ASIC2: variants seen among roughly 807,000 people sequenced by gnomAD.
ASIC2 encodes acid sensing ion channel subunit 2.
ASIC2 carries 25 observed loss-of-function variants against 57.3 expected under a neutral mutation model. The ratio of observed to expected loss-of-function variants is 0.44; its 90% CI spans 0.32 to 0.61. The LOEUF (loss-of-function observed/expected upper bound fraction) is 0.61. Ranked by LOEUF, ASIC2 falls within the 20% of genes least tolerant of loss-of-function variation. ASIC2 has a pLI of 0.06. For missense variants in ASIC2, 641 were observed against 738.1 expected (o/e 0.87, Z 1.52); for synonymous variants, 319 against 307.5 (o/e 1.04, Z -0.39).
intron 1 of ASIC2, among the ~76,000 whole-genome samples, chr17:33,528,074 A>G (rs985135232): frequency 6.6e-6 from 1 of 151,926 alleles, no homozygotes; most frequent in Admixed American, 6.6e-5. Flanking sequence ...CAAGGTGAGA[A>G]GGTGTCAGGG....
chr17:33,030,460 T>C (rs1447041515), intron 3 of ASIC2, among the ~76,000 whole-genome samples: 2 of 152,184 alleles, frequency 1.3e-5, no homozygotes, highest in African/African-American at 2.4e-5. Context: ...GTTCATTCTC[T>C]TTTATTGCCG....
chr17:33,691,385 C>T, intron 1 of ASIC2, among the ~76,000 whole-genome samples: 1 of 151,838 alleles, frequency 6.6e-6, no homozygotes, highest in East Asian at 1.9e-4. Context: ...CTCCAATCAT[C>T]CTAGGCATCA....
chr17:33,866,354 C>T (rs1350856858), intron 1 of ASIC2, among the ~76,000 whole-genome samples: 1 of 152,076 alleles, frequency 6.6e-6, no homozygotes, highest in Non-Finnish European at 1.5e-5. Flanking sequence ...TCAAATTCAT[C>T]GTGTGCTGAA....
At chr17:33,968,324 AG>A (rs576914210) in intron 1 of ASIC2, among the ~76,000 whole-genome samples, 182 of 152,286 alleles carry the variant, frequency 1.2e-3, no homozygotes, top group African/African-American at 4.2e-3. Flanking sequence ...AGACCTGAAC[AG>A]GGGGCAGAAT....
intron 1 of ASIC2, chr17:33,984,105 T>C (rs2142005817): frequency 6.6e-6 from 1 of 152,472 alleles, no homozygotes; most frequent in East Asian, 1.9e-4. Flanking sequence ...ACAGCCTTCC[T>C]TCCCCATAAC....
chr17:34,123,697 T>C (rs1367435668), intron 1 of ASIC2, among the ~76,000 whole-genome samples: 1 of 152,210 alleles, frequency 6.6e-6, no homozygotes, highest in Admixed American at 6.5e-5. Flanking sequence ...AATGGAACAA[T>C]GGTCTCCTGC....
At chr17:33,893,236 A>T (rs1333738962) in intron 1 of ASIC2, among the ~76,000 whole-genome samples, 2 of 152,154 alleles carry the variant, frequency 1.3e-5, no homozygotes, top group Admixed American at 6.5e-5. Context: ...CCAGGATTTA[A>T]ATCCATTTGG....
At chr17:33,228,376 T>G (rs1368076686) in intron 1 of ASIC2, among the ~76,000 whole-genome samples, 1 of 152,044 alleles carries the variant, frequency 6.6e-6, no homozygotes, top group Admixed American at 6.5e-5. Flanking sequence ...TAAGAGGAGA[T>G]GCAACTTTCA....
intron 1 of ASIC2, among the ~76,000 whole-genome samples, chr17:33,760,540 T>C (rs1049449636): frequency 6.6e-6 from 1 of 151,862 alleles, no homozygotes; most frequent in African/African-American, 2.4e-5. Context: ...GTGTGTGCCA[T>C]AGATTTATAT....
rs181411327 is a variant in ASIC2 at position 33,542,195 on chromosome 17, G to A, written c.556-430128C>T. Among the ~76,000 whole-genome samples, 115 of 152,102 alleles carry A rather than the reference G, an allele frequency of 7.6e-4. 1 individual carries two copies. The highest frequency in any genetic ancestry group is 3.4e-3 in the Middle Eastern group (1 of 294). On this transcript the variant is annotated intron_variant, in intron 1 of 9. Transcript: ENST00000359872. ...AGTCTTTGCTATTGTGAATAATGCC[G>A]CAATAAACATACGTGTGCACGTGTC...
At chr17:33,817,795 A>G (rs1196107679) in intron 1 of ASIC2, among the ~76,000 whole-genome samples, 2 of 152,116 alleles carry the variant, frequency 1.3e-5, no homozygotes, top group Non-Finnish European at 2.9e-5. Flanking sequence ...GGGACAGCTC[A>G]TTTTTGCTCT....
chr17:33,104,193 T>G (rs1567746149), intron 2 of ASIC2, among the ~76,000 whole-genome samples: 1 of 152,164 alleles, frequency 6.6e-6, no homozygotes, highest in African/African-American at 2.4e-5. Context: ...GGGTTTATAC[T>G]TACATATATA....
chr17:33,518,453 G>A (rs888646930), intron 1 of ASIC2, among the ~76,000 whole-genome samples: 1 of 152,190 alleles, frequency 6.6e-6, no homozygotes, highest in Non-Finnish European at 1.5e-5. Context: ...GGCAGCAGGT[G>A]CAGTGGGCTG....
Position 33,881,911 on chromosome 17 carries a change from G to T in ASIC2, c.555+274067C>A, listed in dbSNP as rs140467563. Among the ~76,000 whole-genome samples the T allele has an allele frequency of 3.5e-3, 528 of 152,258 alleles. 3 individuals carry two copies. Among genetic ancestry groups the T allele is most frequent in the Non-Finnish European group, 5.8e-3 (394 of 68,020 alleles). The stretch of plus-strand genomic sequence containing the variant: ...AGCAAGGTACTGGTACCAAAACAGA[G>T]ATATAGACCAATGGAACAGAACAGA... On this transcript the variant is annotated intron_variant, in intron 1 of 9. Transcript: ENST00000359872.
intron 1 of ASIC2, among the ~76,000 whole-genome samples, chr17:33,579,801 A>G (rs879533712): frequency 6.6e-6 from 1 of 151,992 alleles, no homozygotes; most frequent in Non-Finnish European, 1.5e-5. Context: ...CACCGTGAAA[A>G]ACACCCCTTG....
At chr17:34,127,355 TA>T (rs1466524253) in intron 1 of ASIC2, among the ~76,000 whole-genome samples, 1 of 152,170 alleles carries the variant, frequency 6.6e-6, no homozygotes, top group Non-Finnish European at 1.5e-5. Flanking sequence ...TTCTGAACTC[TA>T]TAAAGCAAAA....
chr17:33,336,775 C>G (rs141858222), intron 1 of ASIC2, among the ~76,000 whole-genome samples: 76 of 152,244 alleles, frequency 5.0e-4, no homozygotes, highest in Middle Eastern at 3.4e-3. Context: ...ACTGATTCTA[C>G]AAAACCCGGC....
intron 1 of ASIC2, among the ~76,000 whole-genome samples, chr17:33,554,337 T>A (rs1375616820): frequency 6.6e-6 from 1 of 151,036 alleles, no homozygotes; most frequent in African/African-American, 2.5e-5. Flanking sequence ...GGAGTTAGAC[T>A]ATTTTAGCAT....
intron 1 of ASIC2, among the ~76,000 whole-genome samples, chr17:33,630,048 G>T (rs1407668013): frequency 2.0e-5 from 3 of 152,118 alleles, no homozygotes; most frequent in Non-Finnish European, 2.9e-5. Context: ...ATGGGACCAG[G>T]TCTCTCTAGG....
Sources: gnomAD v4.1 joint callset for allele counts (sites outside exome capture counted in the v4.1 genomes callset) on GRCh38, gnomAD v4.1.1 for gene constraint, MANE v1.5 for transcripts, NCBI Gene and HGNC (gene_info 2026-07-23, HGNC 2026-07-21) for gene names.